The following NELFCD variants were observed in gnomAD, a reference collection of about 807,000 sequenced individuals.
The protein encoded by NELFCD is negative elongation factor C/D.
A neutral mutation model predicts 72.9 loss-of-function variants in NELFCD; 48 were observed. That is an observed-to-expected ratio of 0.66 (90% confidence interval 0.52 to 0.84). The LOEUF is 0.84. Ranked by LOEUF, NELFCD falls within the 40% of genes least tolerant of loss-of-function variation. The probability of loss-of-function intolerance (pLI) is 0.00; values close to 1 mark genes in which losing one functional copy is unlikely to be tolerated. For missense variants in NELFCD, 538 were observed against 723.8 expected, an observed-to-expected ratio of 0.74 and a Z score of 2.94; for synonymous variants, 297 against 280.6, an observed-to-expected ratio of 1.06 and a Z score of -0.59.
intron 1 of NELFCD, among the ~76,000 whole-genome samples, chr20:58,984,589 G>A (rs993049983): frequency 6.6e-6 from 1 of 152,112 alleles, no homozygotes; most frequent in Non-Finnish European, 1.5e-5. Flanking sequence ...GATATATGAA[G>A]GATACCTTTA....
chr20:58,985,623 C>T (rs1186164871), intron 1 of NELFCD, among the ~76,000 whole-genome samples: 1 of 152,158 alleles, frequency 6.6e-6, no homozygotes, highest in African/African-American at 2.4e-5. Flanking sequence ...CTCACGCTTT[C>T]AAGAATCAGG....
rs114712062 is a variant in NELFCD, at chr20:58,982,589, G to A, written c.60+1220G>A. ...TGGGTGGTGGTGTGATGGCGGCTTC[G>A]GAGCCATGGTCTAAAATGCCAAGGC... On this transcript the variant is annotated intron_variant, in intron 1 of 14. Coordinates refer to ENST00000652272, the MANE Select transcript of NELFCD (RefSeq NM_198976.4). Among the ~76,000 whole-genome samples the A allele has an allele frequency of 7.2e-3, 1,103 of 152,252 alleles. 15 individuals are homozygous for A. The highest frequency in any genetic ancestry group is 0.025 in the African/African-American group (1,055 of 41,538).
At chr20:58,985,831 TC>T (rs1392996931) in intron 1 of NELFCD, among the ~76,000 whole-genome samples, 1 of 152,116 alleles carries the variant, frequency 6.6e-6, no homozygotes, top group Admixed American at 6.6e-5. Flanking sequence ...AAATGGACAC[TC>T]AGAGAGGTTG....
chr20:58,989,380 C>T (rs1357066454), intron 5 of NELFCD, 108 bp from the exon 6 acceptor site: 42 of 1,340,056 alleles, frequency 3.1e-5, no homozygotes, highest in South Asian at 2.0e-4. Flanking sequence ...CTGAGACCCA[C>T]GACCAGCGCA....
chr20:58,981,848 A>G (rs1414948043), intron 1 of NELFCD, among the ~76,000 whole-genome samples: 1 of 152,236 alleles, frequency 6.6e-6, no homozygotes, highest in Non-Finnish European at 1.5e-5. Flanking sequence ...TTACTGTTTT[A>G]TAAACTGTAC....
In NELFCD at chr20:58,994,126, C is replaced by T. The variant is rs768655395; in HGVS notation, c.1598C>T (p.Ala533Val). Residue 533 changes from alanine (A) to valine (V), a missense_variant, in exon 14 of 15, where the codon GCT (alanine) becomes GTT (valine). Around this residue, in one of 3 missense-constraint regions of NELFCD, gnomAD observed 136 missense variants for 154.0 expected, o/e 0.88. Coordinates refer to ENST00000652272, the MANE Select transcript of NELFCD (RefSeq NM_198976.4). ...CCCACGCAGGTGCTGGACGTCATTGCTCCTCCTTATACCTCTGACTTCGTG... is the reference window on the plus strand; with the variant it reads ...CCCACGCAGGTGCTGGACGTCATTGTTCCTCCTTATACCTCTGACTTCGTG... Reference protein sequence around the residue: ...YFVTEVLDVIAPPYTSDFVQL... With the variant: ...YFVTEVLDVIVPPYTSDFVQL... 6.2e-7 allele frequency: 1 copy of T among 1,614,176 alleles called. No individual in the cohort carries two copies. Among genetic ancestry groups the T allele is most frequent in the South Asian group, 1.1e-5 (1 of 91,086 alleles).
intron 10 of NELFCD, 88 bp downstream of exon 10, chr20:58,992,108 C>A: frequency 7.5e-7 from 1 of 1,333,194 alleles, no homozygotes; most frequent in Non-Finnish European, 1.0e-6. Context: ...ATAACAAAAG[C>A]TTCAGCGATA....
rs954257647 is a variant in NELFCD, at chr20:58,981,335, C to T, written c.26C>T (p.Ala9Val). 7.2e-6 allele frequency: 8 copies of T among 1,107,318 alleles called. No homozygotes were observed. Among genetic ancestry groups the T allele is most frequent in the African/African-American group, 5.0e-5 (3 of 59,944 alleles). The allele number at this position is 1,107,318 out of a possible 1,614,324, so 68.6% of individuals were successfully genotyped here. A position where few individuals can be genotyped will look rare whatever the true frequency, so the allele number is the denominator to read the frequency against. The change falls in exon 1 of 15, where the codon GCG becomes GTG. Residue 9 changes from alanine to valine, a missense_variant. Physicochemically the swap from Ala to Val is moderately conservative, Grantham distance 64. Coordinates refer to ENST00000652272, the MANE Select transcript of NELFCD (RefSeq NM_198976.4). ...ATGGACGAGGACTACTACGGGAGCG[C>T]GGCCGAGTGGGGCGACGAGGCTGAC... MDEDYYGS[A>V]AEWGDEADGG... is the part of the protein sequence containing the mutation.
intron 4 of NELFCD, chr20:58,988,101 G>A (rs767493085): frequency 2.6e-6 from 1 of 380,606 alleles, no homozygotes; most frequent in Non-Finnish European, 4.8e-6. Flanking sequence ...AGCCCTTGGA[G>A]TGTTGTGGTG....
chr20:58,986,394 T>TG lies in NELFCD; in HGVS notation c.176+187dup. 2 of 576,186 alleles carry TG rather than the reference T, an allele frequency of 3.5e-6. No homozygotes were observed. The highest frequency in any genetic ancestry group is 3.3e-5 in the Admixed American group (1 of 30,190). The allele number at this position is 576,186 out of a possible 1,614,324, so 35.7% of individuals were successfully genotyped here. ...TTTTTAAGACAGAGTCTTGCTCTGT[T>TG]GCAGTGGCACAATCACCGCTCACTG... is the stretch of plus-strand genomic sequence containing the variant. On this transcript the variant is annotated intron_variant, in intron 2 of 14. Coordinates refer to ENST00000652272, the MANE Select transcript of NELFCD (RefSeq NM_198976.4). This position sits in a 1 kb window ranked among gnomAD's most constrained non-coding sequence, Gnocchi z 4.4.
intron 1 of NELFCD, 145 bp downstream of exon 1, chr20:58,981,514 T>A: frequency 5.1e-6 from 1 of 197,354 alleles, no homozygotes; most frequent in Non-Finnish European, 9.1e-6. Context: ...GGTCACCGTG[T>A]GGTTCAAGCA....
chr20:58,989,499 C>T lies in NELFCD; in HGVS notation c.516C>T (p.Asp172=), dbSNP rs142304902. 4.7e-4 allele frequency: 753 copies of T among 1,613,772 alleles called. No homozygotes were observed. The highest frequency in any genetic ancestry group is 7.8e-4 in the Admixed American group (47 of 59,998). The change falls in exon 6 of 15, where the codon GAC becomes GAT. Residue 172 remains aspartate, a synonymous_variant. Coordinates refer to ENST00000652272, the MANE Select transcript of NELFCD (RefSeq NM_198976.4). ...MLNFTVKLIS[D]AGYQGEITSV... ...GTTTTGTGTCCTAGCTTATTTCTGACGCAGGGTACCAGGGGGAGATCACCA... is the reference window on the plus strand; with the variant it reads ...GTTTTGTGTCCTAGCTTATTTCTGATGCAGGGTACCAGGGGGAGATCACCA...
intron 4 of NELFCD, 169 bp downstream of exon 4, chr20:58,987,986 C>T (rs2091784986): frequency 1.6e-6 from 1 of 608,290 alleles, no homozygotes; most frequent in Admixed American, 2.9e-5. Context: ...AACTCTGTAC[C>T]CAGGGTCGTG....
At chr20:58,988,185 ATG>A (rs1244006090) in intron 4 of NELFCD, among the ~76,000 whole-genome samples, 1 of 152,174 alleles carries the variant, frequency 6.6e-6, no homozygotes, top group Non-Finnish European at 1.5e-5. Context: ...GGAAGCGACT[ATG>A]AGGGAAGATG....
Position 58,991,883 on chromosome 20 carries a change from C to G in NELFCD, c.1092C>G (p.Asn364Lys), listed in dbSNP as rs973508104. ...AASVVETWKK[N>K]KRVSINKDEL... is the part of the protein sequence containing the mutation. ...CCAGCTTGTGTGTGTGTTTTCAGAA[C>G]AAGCGAGTGAGCATCAATAAAGATG... The change falls in exon 10 of 15, where the codon AAC (asparagine) becomes AAG (lysine). Residue 364 changes from asparagine to lysine, a missense_variant and splice_region_variant. This residue lies in a region of NELFCD where 355 missense variants were observed against 534.5 expected (regional missense o/e 0.66). Coordinates refer to ENST00000652272, the MANE Select transcript of NELFCD (RefSeq NM_198976.4). 3.1e-6 allele frequency: 5 copies of G among 1,614,006 alleles called. No individual in the cohort carries two copies. The Middle Eastern group carries it at 6.6e-4, about 213-fold the overall frequency.
chr20:58,994,577 A>AAG (rs1038567596), intron 14 of NELFCD, 65 bp from the exon 15 acceptor site: 9 of 1,352,968 alleles, frequency 6.7e-6, no homozygotes, highest in Non-Finnish European at 8.3e-6. Context: ...AAAAAAAAAA[A>AAG]AAAGAAAGAA....
rs758970560 is a variant in NELFCD at position 58,989,638 on chromosome 20, G to T, written c.655G>T (p.Ala219Ser). ...ENLEKNLPEF[A>S]KMVCHGEHTY... ...CCTTGAAAAAAATCTCCCTGAGTTT[G>T]CCGTAAGTTCTTTCTTTATGAACCT... Residue 219 changes from alanine (A) to serine (S), a missense_variant and splice_region_variant, in exon 6 of 15, where the codon GCC becomes TCC. Ala to Ser is a moderately conservative substitution (Grantham distance 99, BLOSUM62 1). Coordinates refer to ENST00000652272, the MANE Select transcript of NELFCD (RefSeq NM_198976.4). 1 of 1,614,184 alleles carries T rather than the reference G, an allele frequency of 6.2e-7. No homozygotes were observed. Among genetic ancestry groups the T allele is most frequent in the Non-Finnish European group, 8.5e-7 (1 of 1,180,032 alleles).
rs1282918446 is a variant in NELFCD at position 58,993,747 on chromosome 20, C to T, written c.1564C>T (p.Arg522Cys). 2 of 1,614,146 alleles carry T rather than the reference C, an allele frequency of 1.2e-6. No individual in the cohort carries two copies. Among genetic ancestry groups the T allele is most frequent in the Admixed American group, 1.7e-5 (1 of 60,034 alleles). The change falls in exon 13 of 15, where the codon CGC becomes TGC. Residue 522 changes from arginine to cysteine, a missense_variant. Physicochemically the swap from Arg to Cys is radical, Grantham distance 180 (BLOSUM62 -3). This residue lies in a region of NELFCD where 136 missense variants were observed against 154.0 expected (regional missense o/e 0.88). Transcript: ENST00000652272. This position sits in a 1 kb window ranked among gnomAD's most constrained non-coding sequence, Gnocchi z 5.0. ...GCTGGACACTGACATTTCACTCATTCGCTATTTTGTCACTGAGGTCAGCAA... is the reference window on the plus strand; with the variant it reads ...GCTGGACACTGACATTTCACTCATTTGCTATTTTGTCACTGAGGTCAGCAA... ...EKLDTDISLI[R>C]YFVTEVLDVI... is the part of the protein sequence containing the mutation.
Position 58,986,299 on chromosome 20 carries a change from G to C in NELFCD, c.176+91G>C. ...ACCCAGAAGGTGCTATGTAAAGCAA[G>C]AGTAACGCGAACTGAACTAAAGGCT... On this transcript the variant is annotated intron_variant, in intron 2 of 14. Transcript: ENST00000652272. This position sits in a 1 kb window ranked among gnomAD's most constrained non-coding sequence, Gnocchi z 4.4. 4.7e-6 allele frequency: 4 copies of C among 850,286 alleles called. No individual in the cohort carries two copies. In the East Asian group the frequency reaches 7.5e-5, roughly 16 times the overall value. The allele number at this position is 850,286 out of a possible 1,614,324, so 52.7% of individuals were successfully genotyped here.
Sources: allele counts gnomAD v4.1 joint callset (sites outside exome capture counted in the v4.1 genomes callset), GRCh38; gene constraint gnomAD v4.1.1; regional missense constraint gnomAD v4.1.1; non-coding constraint Gnocchi (gnomAD v3.1); transcripts MANE v1.5; gene names NCBI Gene and HGNC (gene_info 2026-07-23, HGNC 2026-07-21).